The following NUP98 variants were observed in gnomAD, a reference collection of about 807,000 sequenced individuals.
NUP98 encodes nuclear pore complex protein Nup98-Nup96.
In NUP98, 26 loss-of-function variants were observed where a neutral mutation model predicts 191.9. That is an observed-to-expected ratio of 0.14 (90% CI 0.10 to 0.19). NUP98 has a LOEUF of 0.19. Ranked by LOEUF, NUP98 falls within the 10% of genes least tolerant of loss-of-function variation. The pLI is 1.00. For missense variants in NUP98, 1,941 were observed against 2,178.8 expected (o/e 0.89, Z 2.17); for synonymous variants, 808 against 778.4 (o/e 1.04, Z -0.63).
intron 20 of NUP98, among the ~76,000 whole-genome samples, chr11:3,707,738 C>CAAAAAAAAA (rs560101220): frequency 4.5e-4 from 22 of 48,562 alleles, no homozygotes; most frequent in East Asian, 1.2e-3. Flanking sequence ...GACTCTGTCT[C>CAAAAAAAAA]AAAAAAAAAA....
At chr11:3,728,984 C>A (rs1481870669) in intron 14 of NUP98, among the ~76,000 whole-genome samples, 1 of 152,046 alleles carries the variant, frequency 6.6e-6, no homozygotes, top group African/African-American at 2.4e-5. Flanking sequence ...GATAGTAATG[C>A]AATCATCTGA....
Position 3,700,828 on chromosome 11 carries a change from G to A in NUP98, c.3524C>T (p.Ser1175Phe). The A allele has an allele frequency of 6.2e-7, 1 of 1,612,782 alleles. No homozygotes were observed. ...TTTTTCTAAGTGAACTTTGAATGGGGACTCAGTTAGGCTACAAGAGCAAAT... is the reference window on the plus strand; with the variant it reads ...TTTTTCTAAGTGAACTTTGAATGGGAACTCAGTTAGGCTACAAGAGCAAAT... Reference protein sequence around the residue: ...NPVAVKPLTESPFKVHLEKLS... With the variant: ...NPVAVKPLTEFPFKVHLEKLS... The change falls in exon 24 of 33, where the codon TCC (serine) becomes TTC (phenylalanine). Residue 1175 changes from serine to phenylalanine, a missense_variant. Ser to Phe is a radical substitution (Grantham distance 155). This residue lies in a region of NUP98 where 1,030 missense variants were observed against 1,115.8 expected (regional missense o/e 0.92). Transcript: ENST00000324932.
chr11:3,720,718 G>T lies in NUP98; in HGVS notation c.2254C>A (p.Arg752=). 1 of 1,559,362 alleles carries T rather than the reference G, an allele frequency of 6.4e-7. No individual in the cohort carries two copies. Among genetic ancestry groups the T allele is most frequent in the East Asian group, 2.2e-5 (1 of 44,490 alleles). ...GTGCTAAACTCACACTTACCTTTCC[G>T]ACCAATAGTGAAATCAGAGACAATG... The part of the protein sequence containing the change: ...ECIVSDFTIG[R]KGYGSIYFEG... Residue 752 remains arginine (R), a synonymous_variant, in exon 17 of 33, where the codon CGG becomes AGG. Coordinates refer to ENST00000324932, the MANE Select transcript of NUP98 (RefSeq NM_016320.5).
intron 12 of NUP98, among the ~76,000 whole-genome samples, chr11:3,743,577 G>A (rs1035442862): frequency 6.8e-6 from 1 of 147,546 alleles, no homozygotes; most frequent in Non-Finnish European, 1.5e-5. Context: ...AATCTGGGAG[G>A]TAGAGCTTGC....
chr11:3,777,457 C>T (rs971505110), intron 4 of NUP98, among the ~76,000 whole-genome samples: 7 of 151,560 alleles, frequency 4.6e-5, no homozygotes, highest in African/African-American at 1.7e-4. Context: ...CCCATCTCTA[C>T]TAAAAATACA....
At chr11:3,692,026 T>TA (rs1340874507) in intron 27 of NUP98, among the ~76,000 whole-genome samples, 2 of 151,930 alleles carry the variant, frequency 1.3e-5, no homozygotes, top group Non-Finnish European at 1.5e-5. Flanking sequence ...TCTCTACAAA[T>TA]AAAAAAATAA....
At chr11:3,695,028 T>C (rs1239321449) in intron 26 of NUP98, among the ~76,000 whole-genome samples, 6 of 152,194 alleles carry the variant, frequency 3.9e-5, no homozygotes, top group Non-Finnish European at 5.9e-5. Context: ...CTGTGTATGG[T>C]AGCGTGTGCC....
At chr11:3,684,068 T>C (rs2134020140) in intron 29 of NUP98, among the ~76,000 whole-genome samples, 1 of 151,730 alleles carries the variant, frequency 6.6e-6, no homozygotes, top group African/African-American at 2.4e-5. Context: ...AAAAATTAGC[T>C]GGGTGTGGTG....
intron 10 of NUP98, among the ~76,000 whole-genome samples, chr11:3,759,475 T>A (rs1388812718): frequency 6.6e-6 from 1 of 152,026 alleles, no homozygotes; most frequent in African/African-American, 2.4e-5. Context: ...TGCGTGCCTG[T>A]ATTCCCAGCG....
In NUP98 at chr11:3,721,591, C is replaced by T. The variant is rs537344686; in HGVS notation, c.2147-766G>A. Among the ~76,000 whole-genome samples, 7 of 151,822 alleles carry T rather than the reference C, an allele frequency of 4.6e-5. No homozygotes were observed. In the South Asian group the frequency reaches 6.2e-4, roughly 14 times the overall value. ...GCGGGTGCTTGTAATCCCAGCTACTCGGGAGGTTGAGGAAGGAGAATCGCT... is the reference window on the plus strand; with the variant it reads ...GCGGGTGCTTGTAATCCCAGCTACTTGGGAGGTTGAGGAAGGAGAATCGCT... On this transcript the variant is annotated intron_variant, in intron 16 of 32. Coordinates refer to ENST00000324932, the MANE Select transcript of NUP98 (RefSeq NM_016320.5).
intron 4 of NUP98, among the ~76,000 whole-genome samples, chr11:3,778,350 G>A (rs1436437813): frequency 6.6e-6 from 1 of 152,160 alleles, no homozygotes; most frequent in African/African-American, 2.4e-5. Context: ...GTGTGGAGAA[G>A]TATCCCCAAG....
At chr11:3,747,814 T>A (rs1005000949) in intron 11 of NUP98, among the ~76,000 whole-genome samples, 11 of 152,178 alleles carry the variant, frequency 7.2e-5, no homozygotes, top group African/African-American at 2.7e-4. Context: ...GTCTACCTGT[T>A]AAACCATGAA....
At chr11:3,715,241 G>C (rs1227429113) in intron 18 of NUP98, among the ~76,000 whole-genome samples, 1 of 152,132 alleles carries the variant, frequency 6.6e-6, no homozygotes. Flanking sequence ...CTGCCTACCG[G>C]GTTCAAGTGA....
intron 20 of NUP98, chr11:3,712,015 C>T: frequency 9.5e-7 from 1 of 1,049,638 alleles, no homozygotes; most frequent in Non-Finnish European, 1.2e-6. Flanking sequence ...GCCCTAATCT[C>T]CCCAAGCCAA....
intron 12 of NUP98, among the ~76,000 whole-genome samples, chr11:3,737,127 A>C (rs183040272): frequency 6.8e-4 from 103 of 152,278 alleles, no homozygotes; most frequent in African/African-American, 2.4e-3. Context: ...TCTTTCCAAA[A>C]ATACTGATCA....
Position 3,724,857 on chromosome 11 carries a change from C to T in NUP98, c.1847+246G>A, listed in dbSNP as rs79170745. Among the ~76,000 whole-genome samples the T allele has an allele frequency of 3.8e-3, 583 of 151,450 alleles. 2 individuals are homozygous for T. The highest frequency in any genetic ancestry group is 0.014 in the African/African-American group (563 of 41,230). Reference sequence around the variant, plus strand: ...TAAAGGGTGTCAAATACATGCTAACCCTGTCCAAAACAAGATACACAAATA... The same window carrying T: ...TAAAGGGTGTCAAATACATGCTAACTCTGTCCAAAACAAGATACACAAATA... On this transcript the variant is annotated intron_variant, in intron 15 of 32. Transcript: ENST00000324932.
At chr11:3,732,734 A>T (rs75641619) in intron 13 of NUP98, among the ~76,000 whole-genome samples, 389 of 152,342 alleles carry the variant, frequency 2.6e-3, no homozygotes, top group African/African-American at 8.8e-3. Context: ...AGGATGTTCT[A>T]TATTTGTTTT....
intron 20 of NUP98, chr11:3,712,283 G>A: frequency 2.5e-6 from 3 of 1,196,480 alleles, no homozygotes; most frequent in East Asian, 7.5e-5. Flanking sequence ...TCACTGAGCA[G>A]AGAATTCAGC....
chr11:3,796,606 G>A (rs1211964192), intron 1 of NUP98, among the ~76,000 whole-genome samples: 1 of 152,202 alleles, frequency 6.6e-6, no homozygotes. Context: ...GCTACCTAAT[G>A]TCCATGCCGC....
Sources: gnomAD v4.1 joint callset for allele counts (sites outside exome capture counted in the v4.1 genomes callset) on GRCh38, gnomAD v4.1.1 for gene constraint, gnomAD v4.1.1 regional missense constraint, MANE v1.5 for transcripts, NCBI Gene and HGNC (gene_info 2026-07-23, HGNC 2026-07-21) for gene names.